ABCC9: variants seen among roughly 807,000 people sequenced by gnomAD.
ABCC9 encodes the protein ATP binding cassette subfamily C member 9, also known as ATP-binding cassette sub-family C member 9.
In ABCC9, 95 loss-of-function variants were observed where a neutral mutation model predicts 188.3. That is an observed-to-expected ratio of 0.50 (90% CI 0.43 to 0.60). ABCC9 has a LOEUF of 0.60. ABCC9 is among the 20% of genes least tolerant of loss of function. The pLI is 0.00. For synonymous variants in ABCC9, 659 were observed against 652.7 expected (o/e 1.01, Z -0.15); for missense variants, 1,102 against 1,876.3 (o/e 0.59, Z 7.62).
At chr12:21,856,963 G>A (rs1338975624) in intron 22 of ABCC9, among the ~76,000 whole-genome samples, 2 of 152,178 alleles carry the variant, frequency 1.3e-5, no homozygotes, top group African/African-American at 4.8e-5. Context: ...TTAGCTTGAG[G>A]ATACCATCTA....
intron 33 of ABCC9, among the ~76,000 whole-genome samples, chr12:21,816,927 T>G (rs1274346453): frequency 6.6e-6 from 1 of 152,154 alleles, no homozygotes; most frequent in African/African-American, 2.4e-5. Context: ...AGGTCAGCAA[T>G]TAATGTAATA....
At chr12:21,909,369 G>A (rs1370335502) in intron 10 of ABCC9, among the ~76,000 whole-genome samples, 1 of 151,668 alleles carries the variant, frequency 6.6e-6, no homozygotes, top group Non-Finnish European at 1.5e-5. Flanking sequence ...AATAAATGTG[G>A]GACACAGGGA....
intron 31 of ABCC9, 92 bp downstream of exon 31, chr12:21,828,866 C>G (rs1232802153): frequency 9.9e-7 from 1 of 1,011,720 alleles, no homozygotes; most frequent in Non-Finnish European, 1.6e-6. Flanking sequence ...TGCCGAATCT[C>G]AGTGGAATAC....
intron 12 of ABCC9, among the ~76,000 whole-genome samples, chr12:21,903,160 A>G (rs1676227040): frequency 6.6e-6 from 1 of 152,208 alleles, no homozygotes; most frequent in Non-Finnish European, 1.5e-5. Flanking sequence ...CAGCATATAA[A>G]CAGAACCAAA....
In ABCC9 at chr12:21,799,197, T is replaced by C. The variant is rs1173415141; in HGVS notation, c.*1847A>G. ...CACCAGCATGGCACATGTATATATA[T>C]GTAACTAACCTGCACAATGTGCACA... On this transcript the variant is annotated 3_prime_UTR_variant, in exon 40 of 40. Transcript: ENST00000261200. 6.8e-6 allele frequency: 1 copy of C among 147,258 alleles called. No homozygotes were observed. The highest frequency in any genetic ancestry group is 1.5e-5 in the Non-Finnish European group (1 of 67,446). 9.1% of individuals were successfully genotyped at this position (147,258 alleles called of 1,614,324 possible). A position where few individuals can be genotyped will look rare whatever the true frequency, so the allele number is the denominator to read the frequency against.
At position 21,798,869 on chromosome 12, in the gene ABCC9, T is replaced by C. The variant is rs1206313568; in HGVS notation, c.*2175A>G. ...ACCCAAATGTCCAACAATGATAGAC[T>C]GGATTAAGAAAATGTGGCACATATA... On this transcript the variant is annotated 3_prime_UTR_variant, in exon 40 of 40. Coordinates refer to ENST00000261200, the MANE Select transcript of ABCC9 (RefSeq NM_020297.4). The C allele has an allele frequency of 6.7e-6, 1 of 149,422 alleles. No individual in the cohort carries two copies. The highest frequency in any genetic ancestry group is 2.5e-5 in the African/African-American group (1 of 40,352). 9.3% of individuals were successfully genotyped at this position (149,422 alleles called of 1,614,324 possible).
intron 12 of ABCC9, among the ~76,000 whole-genome samples, chr12:21,905,656 A>G (rs1364104437): frequency 2.6e-5 from 4 of 152,146 alleles, no homozygotes; most frequent in Non-Finnish European, 4.4e-5. Flanking sequence ...GTATTCTGAG[A>G]CAAATGGAAA....
At chr12:21,838,878 T>G (rs958714266) in intron 29 of ABCC9, among the ~76,000 whole-genome samples, 1 of 152,016 alleles carries the variant, frequency 6.6e-6, no homozygotes, top group Admixed American at 6.6e-5. Flanking sequence ...ACCAAAAAAT[T>G]AGCCAGCCGT....
At chr12:21,833,738 G>A (rs1346789650) in intron 30 of ABCC9, among the ~76,000 whole-genome samples, 1 of 152,038 alleles carries the variant, frequency 6.6e-6, no homozygotes, top group Non-Finnish European at 1.5e-5. Context: ...TACCTTCATA[G>A]AGGAGCTATG....
In ABCC9 at chr12:21,850,232, G is replaced by A. The variant is rs1015683715; in HGVS notation, c.2769+1865C>T. 4.6e-5 allele frequency among the ~76,000 whole-genome samples: 7 copies of A among 151,616 alleles called. No individual in the cohort carries two copies. The South Asian group carries it at 1.0e-3, about 23-fold the overall frequency. On this transcript the variant is annotated intron_variant, in intron 24 of 39. Coordinates refer to ENST00000261200, the MANE Select transcript of ABCC9 (RefSeq NM_020297.4). ...AATGTTGCCAAATGTCCTCTAGGAG[G>A]GAAAATTGGCCCAGGTTGATAGGAA...
At chr12:21,915,267 A>AATGTGTATATGTATGTGTATGTATATAC (rs1555116009) in intron 7 of ABCC9, among the ~76,000 whole-genome samples, 1 of 89,150 alleles carries the variant, frequency 1.1e-5, no homozygotes, top group South Asian at 4.6e-4. Flanking sequence ...GTGTGTATAT[A>AATGTGTATATGTATGTGTATGTATATAC]ATGTGTATAT....
intron 28 of ABCC9, 131 bp from the exon 29 acceptor site, chr12:21,842,602 C>A: frequency 2.3e-6 from 2 of 877,710 alleles, no homozygotes; most frequent in Non-Finnish European, 3.7e-6. Context: ...CATGTTCATC[C>A]TAAGCAATTC....
chr12:21,878,662 A>T (rs1946483372), intron 16 of ABCC9, among the ~76,000 whole-genome samples: 1 of 152,202 alleles, frequency 6.6e-6, no homozygotes, highest in South Asian at 2.1e-4. Flanking sequence ...TAGATGTGAA[A>T]ACAGGTAGAA....
At chr12:21,933,616 A>G (rs1949370859) in intron 4 of ABCC9, among the ~76,000 whole-genome samples, 166 bp downstream of exon 4, 1 of 152,126 alleles carries the variant, frequency 6.6e-6, no homozygotes, top group South Asian at 2.1e-4. Flanking sequence ...TATTTTTAAC[A>G]TTAAAAAGTT....
chr12:21,930,547 C>T (rs997219610), intron 4 of ABCC9, among the ~76,000 whole-genome samples: 10 of 152,050 alleles, frequency 6.6e-5, no homozygotes, highest in East Asian at 1.9e-4. Flanking sequence ...ATCCTCTCAG[C>T]GTAGATAATG....
At chr12:21,883,859 C>T (rs1052355846) in intron 15 of ABCC9, among the ~76,000 whole-genome samples, 2 of 151,964 alleles carry the variant, frequency 1.3e-5, no homozygotes, top group Non-Finnish European at 2.9e-5. Flanking sequence ...AAGAGGATGC[C>T]AGCTGAGTTG....
intron 14 of ABCC9, among the ~76,000 whole-genome samples, chr12:21,890,748 CTCATACGTG>C (rs1947117302): frequency 6.6e-6 from 1 of 151,214 alleles, no homozygotes; most frequent in Non-Finnish European, 1.5e-5. Context: ...CATGTTCTCA[CTCATACGTG>C]GGAATTGAAC....
intron 38 of ABCC9, 130 bp from the exon 39 acceptor site, chr12:21,806,190 TAAG>T (rs1276474629): frequency 2.4e-6 from 2 of 819,446 alleles, no homozygotes; most frequent in Non-Finnish European, 4.0e-6. Context: ...GTGGAAGTCA[TAAG>T]AAGGGGCAGT....
chr12:21,933,691 T>C (rs1430268503), intron 4 of ABCC9, 91 bp downstream of exon 4: 3 of 1,492,674 alleles, frequency 2.0e-6, no homozygotes, highest in Non-Finnish European at 2.8e-6. Flanking sequence ...ATAAAGCACA[T>C]TTATGGGCAC....
Sources: gnomAD v4.1 joint callset for allele counts (sites outside exome capture counted in the v4.1 genomes callset) on GRCh38, gnomAD v4.1.1 for gene constraint, MANE v1.5 for transcripts, NCBI Gene and HGNC (gene_info 2026-07-23, HGNC 2026-07-21) for gene names.